The following UBR1 variants were observed in gnomAD, a reference collection of about 807,000 sequenced individuals.
The protein encoded by UBR1 is E3 ubiquitin-protein ligase UBR1.
In UBR1, 102 loss-of-function variants were observed where a neutral mutation model predicts 242.1. The observed-to-expected ratio is 0.42, with a 90% confidence interval of 0.36 to 0.50. The LOEUF (loss-of-function observed/expected upper bound fraction) is 0.50, where lower values mean the gene tolerates loss of function less well. Ranked by LOEUF, UBR1 falls within the 20% of genes least tolerant of loss-of-function variation. The probability of loss-of-function intolerance (pLI) is 0.01; values close to 1 mark genes in which losing one functional copy is unlikely to be tolerated. For missense variants in UBR1, 1,772 were observed against 2,101.8 expected (o/e 0.84, Z 3.07); for synonymous variants, 675 against 684.8 (o/e 0.99, Z 0.22).
chr15:43,036,312 G>T, intron 18 of UBR1, 33 bp from the exon 19 acceptor site: 2 of 1,564,450 alleles, frequency 1.3e-6, no homozygotes, highest in Non-Finnish European at 1.8e-6. Flanking sequence ...TATTTCTTCT[G>T]TATTATATGG....
chr15:43,058,558 T>C lies in UBR1; in HGVS notation c.1094-129A>G, dbSNP rs1196451131. The C allele has an allele frequency of 4.8e-6, 3 of 631,200 alleles. No homozygotes were observed. The East Asian group carries it at 8.4e-5, about 18-fold the overall frequency. 39.1% of individuals were successfully genotyped at this position (631,200 alleles called of 1,614,324 possible). On this transcript the variant is annotated intron_variant, in intron 9 of 46. Transcript: ENST00000290650. ...ACATGCAAACAGACCTCAAATAGTA[T>C]TTATTGTATTAATATTTAATAACTG...
chr15:42,992,397 C>T (rs2032569943), intron 33 of UBR1, among the ~76,000 whole-genome samples: 1 of 152,134 alleles, frequency 6.6e-6, no homozygotes, highest in South Asian at 2.1e-4. Flanking sequence ...TTAAAAACCT[C>T]TGGAAACATG....
intron 32 of UBR1, among the ~76,000 whole-genome samples, chr15:42,999,937 T>C (rs1234037102): frequency 6.6e-6 from 1 of 152,180 alleles, no homozygotes; most frequent in African/African-American, 2.4e-5. Context: ...TGCCAAAATT[T>C]ACCTATCTGG....
chr15:42,998,382 T>C, intron 32 of UBR1, 117 bp from the exon 33 acceptor site: 1 of 890,148 alleles, frequency 1.1e-6, no homozygotes. Flanking sequence ...TTCCTCCAGA[T>C]TAATTTCCTA....
chr15:42,988,743 A>AAAAAAG, intron 35 of UBR1, 76 bp downstream of exon 35: 1 of 1,588,716 alleles, frequency 6.3e-7, no homozygotes, highest in Non-Finnish European at 8.6e-7. Context: ...CCATCAGTGA[A>AAAAAAG]AAAAAGAATT....
At chr15:43,095,714 G>A (rs572309656) in intron 1 of UBR1, among the ~76,000 whole-genome samples, 1 of 152,146 alleles carries the variant, frequency 6.6e-6, no homozygotes, top group Non-Finnish European at 1.5e-5. Flanking sequence ...GTCATCTGAG[G>A]CAAGGGGTTA....
At chr15:42,964,479 C>CA (rs967174735) in intron 41 of UBR1, among the ~76,000 whole-genome samples, 48 of 151,656 alleles carry the variant, frequency 3.2e-4, no homozygotes, top group Middle Eastern at 3.4e-3. Context: ...CAAAAAAAAA[C>CA]AAAAAACAAA....
intron 30 of UBR1, among the ~76,000 whole-genome samples, chr15:43,005,820 T>C (rs1188453701): frequency 6.6e-6 from 1 of 150,872 alleles, no homozygotes; most frequent in Non-Finnish European, 1.5e-5. Context: ...ACATGTGCTG[T>C]GTCCACTCAG....
chr15:43,077,563 G>A (rs1214387720), intron 3 of UBR1, among the ~76,000 whole-genome samples: 2 of 147,344 alleles, frequency 1.4e-5, no homozygotes, highest in Non-Finnish European at 3.0e-5. Flanking sequence ...TTGTTCACTT[G>A]TTTATCTGCT....
chr15:43,084,617 G>A (rs2034012992), intron 2 of UBR1, among the ~76,000 whole-genome samples: 1 of 152,098 alleles, frequency 6.6e-6, no homozygotes, highest in Non-Finnish European at 1.5e-5. Flanking sequence ...CACCATGCCT[G>A]GCTAATTTTT....
At chr15:43,063,491 T>C (rs1427634445) in intron 6 of UBR1, among the ~76,000 whole-genome samples, 1 of 152,126 alleles carries the variant, frequency 6.6e-6, no homozygotes, top group African/African-American at 2.4e-5. Flanking sequence ...ATATTAACCT[T>C]GTACATAAGA....
Position 42,966,218 on chromosome 15 carries a change from A to G in UBR1, c.4526T>C (p.Leu1509Pro). The G allele has an allele frequency of 6.2e-7, 1 of 1,614,190 alleles. No homozygotes were observed. The highest frequency in any genetic ancestry group is 8.5e-7 in the Non-Finnish European group (1 of 1,180,036). The change falls in exon 41 of 47, where the codon CTT becomes CCT. Residue 1509 changes from leucine to proline, a missense_variant. Physicochemically the swap from Leu to Pro is moderately conservative, Grantham distance 98. Transcript: ENST00000290650. ...VSLKNGITPY[L>P]RCAALFFHYL... ...GTGGAAAAACAATGCAGCACAGCGA[A>G]GATAAGGGGTGATGCCATTCTTCAG... is the stretch of plus-strand genomic sequence containing the variant.
chr15:42,952,337 C>G lies in UBR1; in HGVS notation c.4947G>C (p.Glu1649Asp), dbSNP rs756319647. The change falls in exon 45 of 47, where the codon GAG becomes GAC. Residue 1649 changes from glutamate to aspartate, a missense_variant. Physicochemically the swap from Glu to Asp is conservative, Grantham distance 45. This residue lies in a region of UBR1 where 965 missense variants were observed against 1,079.7 expected (regional missense o/e 0.89). Coordinates refer to ENST00000290650, the MANE Select transcript of UBR1 (RefSeq NM_174916.3). ...GTGCGTGAAAAATGCAAGCTCCAAC[C>G]TCTTCCCCGTTCACAATTTCCTGGC... Reference protein sequence around the residue: ...ICCQEIVNGEEVGACIFHALH... With the variant: ...ICCQEIVNGEDVGACIFHALH... The G allele has an allele frequency of 6.2e-7, 1 of 1,614,076 alleles. No individual in the cohort carries two copies. The highest frequency in any genetic ancestry group is 1.3e-5 in the African/African-American group (1 of 74,928).
chr15:43,061,880 G>T (rs999511770), intron 6 of UBR1, among the ~76,000 whole-genome samples: 4 of 152,050 alleles, frequency 2.6e-5, no homozygotes, highest in Admixed American at 6.6e-5. Flanking sequence ...GGTGATGGGT[G>T]CATCAAAATC....
At chr15:43,014,740 A>AGGG in intron 29 of UBR1, among the ~76,000 whole-genome samples, 1 of 141,828 alleles carries the variant, frequency 7.1e-6, no homozygotes, top group Admixed American at 7.0e-5. Flanking sequence ...CCCGTCTGGG[A>AGGG]AGTGAGGACC....
rs2032512269 is a variant in UBR1 at position 42,988,724 on chromosome 15, T to G, written c.3997+95A>C. The G allele has an allele frequency of 2.0e-6, 3 of 1,523,658 alleles. No homozygotes were observed. In the South Asian group the frequency reaches 3.4e-5, roughly 17 times the overall value. 94.4% of individuals were successfully genotyped at this position (1,523,658 alleles called of 1,614,324 possible). ...CTAATAGTCCTCATACAAGTCAAAT[T>G]ATTCTGGGCCATCAGTGAAAAAAAG... On this transcript the variant is annotated intron_variant, in intron 35 of 46. Coordinates refer to ENST00000290650, the MANE Select transcript of UBR1 (RefSeq NM_174916.3).
rs963383651 is a variant in UBR1 at position 42,950,351 on chromosome 15, G to A, written c.5019C>T (p.Cys1673=). 3.1e-6 allele frequency: 5 copies of A among 1,613,898 alleles called. No individual in the cohort carries two copies. The highest frequency in any genetic ancestry group is 2.2e-5 in the South Asian group (2 of 91,088). The change falls in exon 46 of 47, where the codon TGC becomes TGT. Residue 1673 remains cysteine, a synonymous_variant. Transcript: ENST00000290650. The part of the protein sequence containing the change: ...GVCIFLKIRE[C]RVVLVEGKAR... ...CTTTACCTTCAACCAGGACCACTCGGCATTCTCTGATTCTGAAAGAGAAAA... is the reference window on the plus strand; with the variant it reads ...CTTTACCTTCAACCAGGACCACTCGACATTCTCTGATTCTGAAAGAGAAAA...
At position 43,014,572 on chromosome 15, in the gene UBR1, C is replaced by G. The variant is rs867658222; in HGVS notation, c.3209+1116G>C. ...TGTGAGTGCCTCTGCCCGGCCGCGACCCCGTCTGGGAGGTGAGGAGCGTCT... is the reference window on the plus strand; with the variant it reads ...TGTGAGTGCCTCTGCCCGGCCGCGAGCCCGTCTGGGAGGTGAGGAGCGTCT... On this transcript the variant is annotated intron_variant, in intron 29 of 46. Coordinates refer to ENST00000290650, the MANE Select transcript of UBR1 (RefSeq NM_174916.3). Among the ~76,000 whole-genome samples the G allele has an allele frequency of 3.3e-5, 5 of 151,874 alleles. No homozygotes were observed. In the South Asian group the frequency reaches 1.0e-3, roughly 32 times the overall value.
chr15:43,078,388 CACT>C (rs2033932756), intron 3 of UBR1, among the ~76,000 whole-genome samples: 1 of 152,178 alleles, frequency 6.6e-6, no homozygotes, highest in East Asian at 1.9e-4. Context: ...ACATCACCAC[CACT>C]AATATCATCA....
Sources: allele counts gnomAD v4.1 joint callset (sites outside exome capture counted in the v4.1 genomes callset), GRCh38; gene constraint gnomAD v4.1.1; regional missense constraint gnomAD v4.1.1; transcripts MANE v1.5; gene names NCBI Gene and HGNC (gene_info 2026-07-23, HGNC 2026-07-21).